Variants in LDB2 observed in about 807,000 individuals in gnomAD.
LDB2 encodes the protein LIM domain binding 2.
Under a neutral mutation model 44.3 loss-of-function variants are expected in LDB2, and 12 were observed. The observed-to-expected ratio is 0.27, with a 90% CI of 0.17 to 0.44. The LOEUF is 0.44. Among genes scored for constraint, LDB2 ranks in the 20% least tolerant of loss-of-function variants. LDB2 has a pLI of 1.00. For synonymous variants in LDB2, 164 were observed against 174.8 expected (o/e 0.94, Z 0.49); for missense variants, 344 against 473.5 (o/e 0.73, Z 2.54).
intron 2 of LDB2, among the ~76,000 whole-genome samples, chr4:16,641,175 G>T (rs911753406): frequency 1.3e-5 from 2 of 152,156 alleles, no homozygotes; most frequent in African/African-American, 4.8e-5. Flanking sequence ...TATTTTAAGA[G>T]AAAGAAATGA....
intron 2 of LDB2, among the ~76,000 whole-genome samples, chr4:16,728,130 G>A (rs1261231273): frequency 6.6e-6 from 1 of 152,264 alleles, no homozygotes; most frequent in Non-Finnish European, 1.5e-5. Context: ...GAAAAAGTAA[G>A]GAGGTGGCAC....
At chr4:16,544,497 T>C (rs1434856826) in intron 5 of LDB2, among the ~76,000 whole-genome samples, 1 of 152,174 alleles carries the variant, frequency 6.6e-6, no homozygotes, top group East Asian at 1.9e-4. Flanking sequence ...CATAAAAGGC[T>C]CAATCTGCCT....
At chr4:16,650,110 G>T (rs1210602551) in intron 2 of LDB2, among the ~76,000 whole-genome samples, 1 of 152,174 alleles carries the variant, frequency 6.6e-6, no homozygotes, top group Non-Finnish European at 1.5e-5. Flanking sequence ...GTTAGAAGAA[G>T]AATCTCTGGA....
intron 5 of LDB2, among the ~76,000 whole-genome samples, chr4:16,543,109 T>C (rs1734462926): frequency 6.6e-6 from 1 of 152,104 alleles, no homozygotes; most frequent in Non-Finnish European, 1.5e-5. Context: ...GAATTCATCC[T>C]TTTTATGGCT....
intron 2 of LDB2, among the ~76,000 whole-genome samples, chr4:16,613,514 A>C (rs187546109): frequency 9.2e-5 from 14 of 152,340 alleles, no homozygotes; most frequent in Admixed American, 3.9e-4. Flanking sequence ...TATATTCAAA[A>C]AACCCCATCA....
At chr4:16,799,399 T>A (rs1452973832) in intron 1 of LDB2, among the ~76,000 whole-genome samples, 1 of 151,950 alleles carries the variant, frequency 6.6e-6, no homozygotes, top group Non-Finnish European at 1.5e-5. Context: ...GCCAGAGGAG[T>A]CACTCACGGG....
chr4:16,823,469 A>T (rs1471609393), intron 1 of LDB2, among the ~76,000 whole-genome samples: 2 of 152,216 alleles, frequency 1.3e-5, no homozygotes, highest in Non-Finnish European at 2.9e-5. Flanking sequence ...AACCTGATTT[A>T]AGTCTTCAAT....
intron 5 of LDB2, among the ~76,000 whole-genome samples, chr4:16,525,140 A>C (rs1463464426): frequency 1.3e-5 from 2 of 152,088 alleles, no homozygotes; most frequent in African/African-American, 4.8e-5. Flanking sequence ...CTGCCCTGGG[A>C]TAAGTACCCG....
intron 1 of LDB2, among the ~76,000 whole-genome samples, chr4:16,872,082 C>T (rs1458187244): frequency 6.6e-6 from 1 of 151,814 alleles, no homozygotes; most frequent in Non-Finnish European, 1.5e-5. Flanking sequence ...AAACTGTAAA[C>T]TATATATCTT....
At chr4:16,824,338 C>T (rs893481441) in intron 1 of LDB2, among the ~76,000 whole-genome samples, 1 of 152,212 alleles carries the variant, frequency 6.6e-6, no homozygotes, top group Non-Finnish European at 1.5e-5. Flanking sequence ...AATCATACCA[C>T]ATGCCACCCA....
chr4:16,610,554 A>G (rs952021937), intron 2 of LDB2, among the ~76,000 whole-genome samples: 15 of 152,198 alleles, frequency 9.9e-5, no homozygotes, highest in Non-Finnish European at 2.1e-4. Context: ...CAGCATGAGA[A>G]CATTGTGAAG....
intron 1 of LDB2, among the ~76,000 whole-genome samples, chr4:16,839,894 A>G (rs556805152): frequency 1.5e-4 from 23 of 152,268 alleles, no homozygotes; most frequent in Non-Finnish European, 2.9e-4. Context: ...AGGTCTATGA[A>G]TAATATGTAC....
chr4:16,771,349 A>G (rs138629908), intron 1 of LDB2, among the ~76,000 whole-genome samples: 35 of 152,242 alleles, frequency 2.3e-4, no homozygotes, highest in African/African-American at 8.2e-4. Context: ...AATCATTTCT[A>G]TTCTCTTCTC....
At chr4:16,643,115 C>T (rs1202563723) in intron 2 of LDB2, among the ~76,000 whole-genome samples, 1 of 149,176 alleles carries the variant, frequency 6.7e-6, no homozygotes, top group African/African-American at 2.5e-5. Flanking sequence ...AAGCTGTCTT[C>T]GTCTACCACA....
At chr4:16,820,291 A>G (rs1428640223) in intron 1 of LDB2, among the ~76,000 whole-genome samples, 1 of 152,168 alleles carries the variant, frequency 6.6e-6, no homozygotes, top group Non-Finnish European at 1.5e-5. Context: ...TTATTCATTT[A>G]TTCAAAAATA....
chr4:16,547,473 A>G (rs1213744327), intron 5 of LDB2, among the ~76,000 whole-genome samples: 1 of 152,192 alleles, frequency 6.6e-6, no homozygotes, highest in African/African-American at 2.4e-5. Flanking sequence ...AAAGACTCCC[A>G]ATTTTAGAGC....
chr4:16,744,210 G>C (rs1763913176), intron 2 of LDB2, among the ~76,000 whole-genome samples: 1 of 152,216 alleles, frequency 6.6e-6, no homozygotes, highest in Admixed American at 6.5e-5. Flanking sequence ...AGGCTGGAGT[G>C]CAGTGGCTGG....
At chr4:16,503,205 T>C (rs897469041) in intron 7 of LDB2, 58 of 1,458,374 alleles carry the variant, frequency 4.0e-5, no homozygotes, top group Non-Finnish European at 4.9e-5. Flanking sequence ...TTGGGGACTT[T>C]TGAGAGGGCT....
chr4:16,557,330 C>A (rs183699018), intron 5 of LDB2, among the ~76,000 whole-genome samples: 77 of 152,300 alleles, frequency 5.1e-4, no homozygotes, highest in African/African-American at 1.7e-3. Flanking sequence ...TGACAGATGG[C>A]ACCTGGAAAA....
Sources: gnomAD v4.1 joint callset for allele counts (sites outside exome capture counted in the v4.1 genomes callset) on GRCh38, gnomAD v4.1.1 for gene constraint, MANE v1.5 for transcripts, NCBI Gene and HGNC (gene_info 2026-07-23, HGNC 2026-07-21) for gene names.